Variants in APPL1 observed in about 807,000 individuals in gnomAD.
APPL1 encodes the protein DCC-interacting protein 13-alpha.
A neutral mutation model predicts 106.8 loss-of-function variants in APPL1; 42 were observed. That is an observed-to-expected ratio of 0.39 (90% CI 0.31 to 0.51). The LOEUF (loss-of-function observed/expected upper bound fraction) is 0.51, where lower values mean the gene tolerates loss of function less well. Ranked by LOEUF, APPL1 falls within the 20% of genes least tolerant of loss-of-function variation. The pLI, the probability that APPL1 is intolerant of heterozygous loss-of-function variation, is 0.75. For synonymous variants in APPL1, 263 were observed against 281.8 expected, an observed-to-expected ratio of 0.93 and a Z score of 0.67; for missense variants, 769 against 858.2, an observed-to-expected ratio of 0.90 and a Z score of 1.30.
In APPL1 at chr3:57,269,800, C is replaced by A; in HGVS notation, c.*113C>A. 8.2e-7 allele frequency: 1 copy of A among 1,226,186 alleles called. No individual in the cohort carries two copies. The highest frequency in any genetic ancestry group is 1.1e-6 in the Non-Finnish European group (1 of 880,218). The allele number at this position is 1,226,186 out of a possible 1,614,324, so 76.0% of individuals were successfully genotyped here. ...AGGAGGAGATTAAGCTTTATATTTG[C>A]TTATTTGTTGTAGCTACATTTTAAA... is the stretch of plus-strand genomic sequence containing the variant. On this transcript the variant is annotated 3_prime_UTR_variant, in exon 22 of 22. Transcript: ENST00000288266.
At position 57,228,028 on chromosome 3, in the gene APPL1, C is replaced by A; in HGVS notation, c.54+91C>A. The stretch of plus-strand genomic sequence containing the variant: ...CCGCGGCTCCCGCAGGTGCCCGCCC[C>A]GGCCCAGGTGGGGGCCGCCGCCGCC... On this transcript the variant is annotated intron_variant, in intron 1 of 21. Coordinates refer to ENST00000288266, the MANE Select transcript of APPL1 (RefSeq NM_012096.3). The surrounding 1 kb of genome is among the most constrained non-coding windows in gnomAD (Gnocchi z 4.6). The A allele has an allele frequency of 8.5e-7, 1 of 1,170,468 alleles. No individual in the cohort carries two copies. The highest frequency in any genetic ancestry group is 1.1e-6 in the Non-Finnish European group (1 of 901,958). The allele number at this position is 1,170,468 out of a possible 1,614,324, so 72.5% of individuals were successfully genotyped here.
At chr3:57,268,589 C>T in intron 21 of APPL1, 102 bp downstream of exon 21, 3 of 1,333,316 alleles carry the variant, frequency 2.3e-6, no homozygotes, top group Non-Finnish European at 3.0e-6. Flanking sequence ...GCTGTTTCTG[C>T]TTGTTCAGCC....
At chr3:57,253,947 C>G (rs924804366) in intron 13 of APPL1, among the ~76,000 whole-genome samples, 27 of 151,284 alleles carry the variant, frequency 1.8e-4, no homozygotes, top group African/African-American at 6.3e-4. Context: ...ACTACAACCT[C>G]CACCTCCCAG....
chr3:57,244,183 C>T (rs1313721689), intron 7 of APPL1, among the ~76,000 whole-genome samples: 1 of 150,036 alleles, frequency 6.7e-6, no homozygotes, highest in Non-Finnish European at 1.5e-5. Context: ...TGAGACAGGG[C>T]CTCATTCTGT....
chr3:57,254,022 C>T (rs551912896), intron 13 of APPL1, among the ~76,000 whole-genome samples: 2 of 152,236 alleles, frequency 1.3e-5, no homozygotes, highest in South Asian at 4.1e-4. Flanking sequence ...GCCATGACAC[C>T]CAGCTAATTT....
In APPL1 at chr3:57,268,133, A is replaced by G. The variant is rs115775969; in HGVS notation, c.1894-265A>G. ...ATCCAAGATGCTTGATTTTCCAAGAATGTTAACTAAAATAGTATATTAGCT... is the reference window on the plus strand; with the variant it reads ...ATCCAAGATGCTTGATTTTCCAAGAGTGTTAACTAAAATAGTATATTAGCT... On this transcript the variant is annotated intron_variant, in intron 20 of 21. Transcript: ENST00000288266. 379 of 472,500 alleles carry G rather than the reference A, an allele frequency of 8.0e-4. 3 individuals are homozygous for G. Among genetic ancestry groups the G allele is most frequent in the Non-Finnish European group, 9.2e-4 (248 of 268,866 alleles). The allele number at this position is 472,500 out of a possible 1,614,324, so 29.3% of individuals were successfully genotyped here.
At chr3:57,265,746 C>G (rs2107611680) in intron 19 of APPL1, among the ~76,000 whole-genome samples, 1 of 152,170 alleles carries the variant, frequency 6.6e-6, no homozygotes, top group East Asian at 1.9e-4. Flanking sequence ...CTTTTTTCCT[C>G]TCTTACCTGA....
intron 11 of APPL1, among the ~76,000 whole-genome samples, chr3:57,249,944 C>A (rs941185971): frequency 2.1e-5 from 3 of 145,814 alleles, no homozygotes; most frequent in African/African-American, 7.6e-5. Context: ...CCTCTCCGCT[C>A]CATTTTTCTT....
At chr3:57,245,260 A>G (rs534129036) in intron 7 of APPL1, among the ~76,000 whole-genome samples, 77 of 152,322 alleles carry the variant, frequency 5.1e-4, no homozygotes, top group Non-Finnish European at 9.4e-4. Flanking sequence ...CTATTACATA[A>G]TAGGTATTCA....
chr3:57,261,847 C>T (rs1180916799), intron 19 of APPL1, among the ~76,000 whole-genome samples: 2 of 152,160 alleles, frequency 1.3e-5, no homozygotes, highest in Non-Finnish European at 2.9e-5. Context: ...GATCTCCATA[C>T]TGTTTTCCAT....
intron 3 of APPL1, among the ~76,000 whole-genome samples, chr3:57,237,784 T>C (rs566658158): frequency 8.5e-5 from 13 of 152,198 alleles, no homozygotes; most frequent in Non-Finnish European, 1.2e-4. Flanking sequence ...AACATTACAG[T>C]GTTATTGGAG....
intron 13 of APPL1, among the ~76,000 whole-genome samples, chr3:57,254,666 C>A (rs929505700): frequency 1.3e-5 from 2 of 152,114 alleles, no homozygotes; most frequent in South Asian, 2.1e-4. Flanking sequence ...GCGGTGTTGC[C>A]CAGACTGGAG....
chr3:57,257,294 A>T lies in APPL1; in HGVS notation c.1296A>T (p.Gly432=). The change falls in exon 15 of 22, where the codon GGA becomes GGT. Residue 432 remains glycine, a synonymous_variant. Coordinates refer to ENST00000288266, the MANE Select transcript of APPL1 (RefSeq NM_012096.3). ...GAACCAGCAGTTCAGGATCCTTAGG[A>T]TCTGAGTCTACAAATTTGGCTGCCC... is the stretch of plus-strand genomic sequence containing the variant. ...TARTSSSGSL[G]SESTNLAALS... is the part of the protein sequence containing the mutation. The T allele has an allele frequency of 1.9e-6, 3 of 1,614,062 alleles. No individual in the cohort carries two copies. The highest frequency in any genetic ancestry group is 2.5e-6 in the Non-Finnish European group (3 of 1,180,014).
intron 21 of APPL1, chr3:57,269,109 T>A (rs139290425): frequency 6.3e-6 from 1 of 158,966 alleles, no homozygotes; most frequent in African/African-American, 2.4e-5. Context: ...AAAGATGACA[T>A]TGAAGTGAGG....
At chr3:57,251,067 A>C (rs1197244101) in intron 11 of APPL1, among the ~76,000 whole-genome samples, 1 of 149,370 alleles carries the variant, frequency 6.7e-6, no homozygotes, top group African/African-American at 2.4e-5. Flanking sequence ...TCGGCCTCCC[A>C]AAGTGCTGGG....
chr3:57,248,183 T>A lies in APPL1; in HGVS notation c.705-10T>A, dbSNP rs756967104. On this transcript the variant is annotated splice_polypyrimidine_tract_variant and intron_variant, in intron 9 of 21. Transcript: ENST00000288266. ...TTGTGATTTGTAGCAAATAATCTGT[T>A]CTGTGTCAGTGTTCGCAGGGAAATG... 3.5e-5 allele frequency: 56 copies of A among 1,609,694 alleles called. No homozygotes were observed. The South Asian group carries it at 5.7e-4, about 17-fold the overall frequency.
intron 16 of APPL1, 107 bp downstream of exon 16, chr3:57,259,187 TCTTTA>T (rs2060852731): frequency 1.1e-6 from 1 of 890,238 alleles, no homozygotes; most frequent in African/African-American, 1.7e-5. Flanking sequence ...TTTAATGCTA[TCTTTA>T]CTTCAGAATT....
intron 11 of APPL1, among the ~76,000 whole-genome samples, chr3:57,250,309 A>T (rs1467854518): frequency 6.6e-6 from 1 of 151,940 alleles, no homozygotes; most frequent in Admixed American, 6.6e-5. Flanking sequence ...CCTGGCAATT[A>T]AAAAAAATTT....
chr3:57,235,296 T>C (rs1215257086), intron 1 of APPL1, among the ~76,000 whole-genome samples: 2 of 152,198 alleles, frequency 1.3e-5, no homozygotes, highest in Admixed American at 1.3e-4. Context: ...GTTCTTAGTT[T>C]ATAGAATTTT....
Sources: gnomAD v4.1 joint callset for allele counts (sites outside exome capture counted in the v4.1 genomes callset) on GRCh38, gnomAD v4.1.1 for gene constraint, Gnocchi (gnomAD v3.1) non-coding constraint, MANE v1.5 for transcripts, NCBI Gene and HGNC (gene_info 2026-07-23, HGNC 2026-07-21) for gene names.